Variants in ZUP1 observed in about 807,000 individuals in gnomAD.
ZUP1 encodes zinc finger containing ubiquitin peptidase 1.
A neutral mutation model predicts 68.1 loss-of-function variants in ZUP1; 55 were observed. The ratio of observed to expected loss-of-function variants is 0.81; its 90% CI spans 0.65 to 1.01. ZUP1 has a LOEUF of 1.01. ZUP1 is among the 50% of genes least tolerant of loss of function. ZUP1 has a pLI of 0.00. For synonymous variants in ZUP1, 223 were observed against 221.5 expected, an observed-to-expected ratio of 1.01 and a Z score of -0.06; for missense variants, 684 against 674.9, an observed-to-expected ratio of 1.01 and a Z score of -0.15.
chr6:116,657,457 T>C (rs2114270194), intron 4 of ZUP1, among the ~76,000 whole-genome samples: 1 of 152,218 alleles, frequency 6.6e-6, no homozygotes, highest in East Asian at 1.9e-4. Context: ...TTTGTATTGA[T>C]CATGTTTTAA....
rs1220503679 is a variant in ZUP1, at chr6:116,652,004, C to A, written c.1150G>T (p.Gly384Cys). 6.2e-7 allele frequency: 1 copy of A among 1,613,312 alleles called. No individual in the cohort carries two copies. The highest frequency in any genetic ancestry group is 8.5e-7 in the Non-Finnish European group (1 of 1,179,640). ...QNDAYNDCLK[G>C]MLIPCIPKIQ... ...GTTCAGAGTACTAGATTTCACATAC[C>A]TTTTAAGCAATCGTTGTAAGCATCA... The change falls in exon 6 of 10, where the codon GGT becomes TGT. Residue 384 changes from glycine (G) to cysteine (C), a missense_variant and splice_region_variant. By Grantham distance (159) the Gly-to-Cys change is radical. Transcript: ENST00000368576.
intron 9 of ZUP1, among the ~76,000 whole-genome samples, chr6:116,639,198 G>A (rs1339828107): frequency 6.6e-6 from 1 of 152,248 alleles, no homozygotes; most frequent in Non-Finnish European, 1.5e-5. Flanking sequence ...CTCGAACTGG[G>A]TGGAGCCCAC....
intron 9 of ZUP1, among the ~76,000 whole-genome samples, chr6:116,644,545 T>G (rs527387041): frequency 0.023 from 3,462 of 152,118 alleles, 64 homozygotes; most frequent in Middle Eastern, 0.099. Context: ...TGTAGGGACA[T>G]GGATGAAATT....
chr6:116,667,105 T>C lies in ZUP1; in HGVS notation c.88A>G (p.Ile30Val), dbSNP rs777428856. ...HLIVHMESEI[I>V]CPFCKLSGVN... ...CCTGACAACTTGCAAAATGGACATA[T>C]AATTTCACTTTCCATGTGAACAATT... The change falls in exon 2 of 10, where the codon ATA (isoleucine) becomes GTA (valine). Residue 30 changes from isoleucine to valine, a missense_variant. Ile to Val is a conservative substitution (Grantham distance 29, BLOSUM62 3). Coordinates refer to ENST00000368576, the MANE Select transcript of ZUP1 (RefSeq NM_145062.3). The C allele has an allele frequency of 6.3e-5, 101 of 1,613,580 alleles. No individual in the cohort carries two copies. In the Middle Eastern group the frequency reaches 8.2e-4, roughly 13 times the overall value.
intron 9 of ZUP1, among the ~76,000 whole-genome samples, chr6:116,643,807 G>A (rs1776198576): frequency 6.6e-6 from 1 of 152,192 alleles, no homozygotes; most frequent in Non-Finnish European, 1.5e-5. Flanking sequence ...AACACCAAAA[G>A]CATTGGCAAC....
At chr6:116,643,244 T>A (rs1776181050) in intron 9 of ZUP1, among the ~76,000 whole-genome samples, 1 of 152,020 alleles carries the variant, frequency 6.6e-6, no homozygotes, top group South Asian at 2.1e-4. Flanking sequence ...ATCAATATCG[T>A]GAAAATGGCC....
intron 9 of ZUP1, among the ~76,000 whole-genome samples, chr6:116,643,962 A>C (rs2115385919): frequency 6.6e-6 from 1 of 152,344 alleles, no homozygotes; most frequent in African/African-American, 2.4e-5. Context: ...TAATATCCAG[A>C]ATCTACAATG....
chr6:116,639,205 C>T (rs1299102423), intron 9 of ZUP1, among the ~76,000 whole-genome samples: 1 of 152,238 alleles, frequency 6.6e-6, no homozygotes, highest in Admixed American at 6.5e-5. Flanking sequence ...TGGGTGGAGC[C>T]CACCACAGCT....
At chr6:116,655,699 C>T (rs1320091146) in intron 5 of ZUP1, among the ~76,000 whole-genome samples, 1 of 152,076 alleles carries the variant, frequency 6.6e-6, no homozygotes, top group Admixed American at 6.5e-5. Context: ...TAGGAATAAC[C>T]AGCTGTGTAA....
At chr6:116,666,564 C>A (rs1238663294) in intron 2 of ZUP1, 70 bp downstream of exon 2, 4 of 1,373,602 alleles carry the variant, frequency 2.9e-6, no homozygotes, top group South Asian at 1.7e-5. Context: ...ACTTACAAAC[C>A]AACTTTTAAA....
intron 9 of ZUP1, among the ~76,000 whole-genome samples, chr6:116,640,484 G>A (rs1026084929): frequency 6.6e-6 from 1 of 151,912 alleles, no homozygotes; most frequent in African/African-American, 2.4e-5. Flanking sequence ...ACTAACAGCG[G>A]ATCTCTCAGC....
At chr6:116,648,667 G>A (rs1323891584) in intron 7 of ZUP1, among the ~76,000 whole-genome samples, 1 of 152,010 alleles carries the variant, frequency 6.6e-6, no homozygotes, top group Non-Finnish European at 1.5e-5. Context: ...GAAAGAAGCT[G>A]GACAAAAATT....
At chr6:116,659,941 C>T (rs1352483800) in intron 3 of ZUP1, among the ~76,000 whole-genome samples, 3 of 152,206 alleles carry the variant, frequency 2.0e-5, no homozygotes, top group Non-Finnish European at 4.4e-5. Context: ...TGTTTAGTGT[C>T]CCCTGAGGTT....
intron 9 of ZUP1, among the ~76,000 whole-genome samples, chr6:116,643,328 A>G (rs1583362351): frequency 6.6e-6 from 1 of 151,874 alleles, no homozygotes; most frequent in South Asian, 2.1e-4. Context: ...ACAGAATTGG[A>G]AAAAACTACT....
chr6:116,649,093 A>T (rs1776401635), intron 7 of ZUP1, among the ~76,000 whole-genome samples: 1 of 152,188 alleles, frequency 6.6e-6, no homozygotes. Context: ...AAAAGCAGGA[A>T]TAAATTTAGA....
chr6:116,664,173 G>A (rs898716007), intron 2 of ZUP1, among the ~76,000 whole-genome samples: 1 of 152,208 alleles, frequency 6.6e-6, no homozygotes, highest in African/African-American at 2.4e-5. Flanking sequence ...GCTTACGCCT[G>A]TAATCCCAGC....
At chr6:116,665,169 T>C (rs1776962341) in intron 2 of ZUP1, among the ~76,000 whole-genome samples, 1 of 152,136 alleles carries the variant, frequency 6.6e-6, no homozygotes, top group South Asian at 2.1e-4. Flanking sequence ...AAAATGCATG[T>C]AACTCAAGTG....
chr6:116,663,921 T>C lies in ZUP1; in HGVS notation c.559+2713A>G, dbSNP rs146903693. Among the ~76,000 whole-genome samples, 47 of 152,198 alleles carry C rather than the reference T, an allele frequency of 3.1e-4. No individual in the cohort carries two copies. The East Asian group carries it at 8.5e-3, about 28-fold the overall frequency. On this transcript the variant is annotated intron_variant, in intron 2 of 9. Coordinates refer to ENST00000368576, the MANE Select transcript of ZUP1 (RefSeq NM_145062.3). ...ATGATCATGCCACTGAACTCCAGCC[T>C]GGGTGACATAGTAAGACCTTGTCTC...
intron 4 of ZUP1, among the ~76,000 whole-genome samples, chr6:116,657,543 G>GA (rs1239858016): frequency 1.3e-5 from 2 of 152,154 alleles, no homozygotes; most frequent in East Asian, 3.9e-4. Flanking sequence ...TCACCAGTGA[G>GA]AAAAAAATCC....
Sources: allele counts gnomAD v4.1 joint callset (sites outside exome capture counted in the v4.1 genomes callset), GRCh38; gene constraint gnomAD v4.1.1; transcripts MANE v1.5; gene names NCBI Gene and HGNC (gene_info 2026-07-23, HGNC 2026-07-21).